The following NR3C1 variants were observed in gnomAD, a reference collection of about 807,000 sequenced individuals.
The protein encoded by NR3C1 is nuclear receptor subfamily 3 group C member 1.
In NR3C1, 14 loss-of-function variants were observed where a neutral mutation model predicts 74.0. The ratio of observed to expected loss-of-function variants is 0.19; its 90% CI spans 0.12 to 0.30. The LOEUF is 0.30. Ranked by LOEUF, NR3C1 falls within the 10% of genes least tolerant of loss-of-function variation. NR3C1 has a pLI of 1.00. For missense variants in NR3C1, 695 were observed against 909.8 expected (o/e 0.76, Z 3.04); for synonymous variants, 308 against 332.5 (o/e 0.93, Z 0.80).
chr5:143,425,337 G>GA (rs1273982407), intron 1 of NR3C1, among the ~76,000 whole-genome samples: 1 of 151,904 alleles, frequency 6.6e-6, no homozygotes, highest in Non-Finnish European at 1.5e-5. Flanking sequence ...AAAAGCACAA[G>GA]AAAAAAATAG....
At chr5:143,288,879 G>A (rs1411654352) in intron 7 of NR3C1, among the ~76,000 whole-genome samples, 1 of 152,032 alleles carries the variant, frequency 6.6e-6, no homozygotes, top group Non-Finnish European at 1.5e-5. Context: ...GCCGAGGTGG[G>A]TGGATCACCT....
intron 2 of NR3C1, among the ~76,000 whole-genome samples, chr5:143,326,294 T>C (rs922056025): frequency 6.6e-6 from 1 of 152,172 alleles, no homozygotes; most frequent in African/African-American, 2.4e-5. Flanking sequence ...ACAGACAGTC[T>C]TAAGGTAAGG....
At chr5:143,419,714 G>A (rs971015960) in intron 1 of NR3C1, among the ~76,000 whole-genome samples, 3 of 152,148 alleles carry the variant, frequency 2.0e-5, no homozygotes, top group Non-Finnish European at 2.9e-5. Flanking sequence ...GAGGCAGGGC[G>A]AAATCACAGG....
chr5:143,356,059 T>C (rs991415104), intron 2 of NR3C1, among the ~76,000 whole-genome samples: 4 of 152,182 alleles, frequency 2.6e-5, no homozygotes, highest in Non-Finnish European at 5.9e-5. Context: ...GTTTATTAAA[T>C]TGTTACAGAT....
At position 143,298,670 on chromosome 5, in the gene NR3C1, A is replaced by G; in HGVS notation, c.1890T>C (p.Asn630=). 1 of 1,613,256 alleles carries G rather than the reference A, an allele frequency of 6.2e-7. No individual in the cohort carries two copies. Among genetic ancestry groups the G allele is most frequent in the Non-Finnish European group, 8.5e-7 (1 of 1,179,534 alleles). Residue 630 remains asparagine, a splice_region_variant and synonymous_variant, in exon 6 of 9, where the codon AAT becomes AAC. Transcript: ENST00000394464. The part of the protein sequence containing the change: ...LLCFAPDLII[N]EQRMTLPCMY... ...AAAATGACACACATACAACTTACTC[A>G]TTAATAATCAGATCAGGAGCAAAAC...
upstream of NR3C1, chr5:143,403,687 G>C (rs952539201): frequency 1.5e-5 from 15 of 985,372 alleles, no homozygotes; most frequent in Non-Finnish European, 1.8e-5. Flanking sequence ...TGGAGGCGGC[G>C]CCACGGCGCG....
intron 2 of NR3C1, among the ~76,000 whole-genome samples, chr5:143,375,158 C>T (rs1381220177): frequency 2.6e-5 from 4 of 152,050 alleles, no homozygotes; most frequent in East Asian, 1.9e-4. Flanking sequence ...TGGAAGTTTT[C>T]GGGAATTTTA....
chr5:143,336,804 C>T (rs529155519), intron 2 of NR3C1, among the ~76,000 whole-genome samples: 15 of 151,674 alleles, frequency 9.9e-5, no homozygotes, highest in Non-Finnish European at 1.8e-4. Context: ...GTCAACATGG[C>T]GAAACCCTGT....
chr5:143,364,073 G>GTC (rs1832758589), intron 2 of NR3C1, among the ~76,000 whole-genome samples: 2 of 151,998 alleles, frequency 1.3e-5, no homozygotes, highest in Non-Finnish European at 2.9e-5. Context: ...GACTAATAAA[G>GTC]TACACACCTA....
rs1297357281 is a variant in NR3C1, at chr5:143,372,275, C to T, written c.1184+27381G>A. Among the ~76,000 whole-genome samples, 3 of 152,244 alleles carry T rather than the reference C, an allele frequency of 2.0e-5. No homozygotes were observed. In the East Asian group the frequency reaches 5.8e-4, roughly 29 times the overall value. Reference sequence around the variant, plus strand: ...AATTTACAGCTTCTCTTTGACATATCTGAATTGCCAGGATCACCACTCCTG... The same window carrying T: ...AATTTACAGCTTCTCTTTGACATATTTGAATTGCCAGGATCACCACTCCTG... On this transcript the variant is annotated intron_variant, in intron 2 of 8. Transcript: ENST00000394464.
intron 2 of NR3C1, chr5:143,332,746 A>G (rs972396234): frequency 6.3e-7 from 1 of 1,588,586 alleles, no homozygotes; most frequent in Non-Finnish European, 8.5e-7. Context: ...GAATTGCCAG[A>G]TAAACATTCC....
chr5:143,403,469 C>T lies in NR3C1; in HGVS notation c.-272G>A, dbSNP rs1175302738. The T allele has an allele frequency of 1.0e-6, 1 of 985,178 alleles. No individual in the cohort carries two copies. The highest frequency in any genetic ancestry group is 1.2e-6 in the Non-Finnish European group (1 of 829,924). The allele number at this position is 985,178 out of a possible 1,614,324, so 61.0% of individuals were successfully genotyped here. A position where few individuals can be genotyped will look rare whatever the true frequency, so the allele number is the denominator to read the frequency against. On this transcript the variant is annotated 5_prime_UTR_variant, in exon 1 of 9. Coordinates refer to ENST00000394464, the MANE Select transcript of NR3C1 (RefSeq NM_000176.3). Reference sequence around the variant, plus strand: ...GTCGAGGTTCCGGGCGCGCGTGCCCCGTCCCGGTCCCAGCTGCTTCGGCCG... The same window carrying T: ...GTCGAGGTTCCGGGCGCGCGTGCCCTGTCCCGGTCCCAGCTGCTTCGGCCG...
At chr5:143,376,224 A>T (rs754562067) in intron 2 of NR3C1, among the ~76,000 whole-genome samples, 3 of 152,204 alleles carry the variant, frequency 2.0e-5, no homozygotes, top group Non-Finnish European at 4.4e-5. Flanking sequence ...CATTGATGAG[A>T]TGATACAATG....
In NR3C1 at chr5:143,383,413, G is replaced by A. The variant is rs13355103; in HGVS notation, c.1184+16243C>T. Reference sequence around the variant, plus strand: ...AAGTGCTAGGTGTTATAGTGAAAACGTTCCTTGTCCTTAAGGAGACTGGAT... The same window carrying A: ...AAGTGCTAGGTGTTATAGTGAAAACATTCCTTGTCCTTAAGGAGACTGGAT... On this transcript the variant is annotated intron_variant, in intron 2 of 8. Coordinates refer to ENST00000394464, the MANE Select transcript of NR3C1 (RefSeq NM_000176.3). Among the ~76,000 whole-genome samples the A allele has an allele frequency of 5.4e-3, 824 of 152,264 alleles. 5 individuals are homozygous for A. Among genetic ancestry groups the A allele is most frequent in the East Asian group, 0.022 (114 of 5,174 alleles).
chr5:143,283,201 T>G (rs993070241), intron 7 of NR3C1, among the ~76,000 whole-genome samples: 1 of 152,218 alleles, frequency 6.6e-6, no homozygotes, highest in African/African-American at 2.4e-5. Flanking sequence ...TTTTTATACA[T>G]GCAAGATGGG....
In NR3C1 at chr5:143,396,156, T is replaced by C. The variant is rs571853709; in HGVS notation, c.1184+3500A>G. On this transcript the variant is annotated intron_variant, in intron 2 of 8. Transcript: ENST00000394464. ...GTAATTTCAATAAAATCTGACCACA[T>C]GCTAGTCACATATTTCTGCATTAGT... 1.9e-4 allele frequency among the ~76,000 whole-genome samples: 29 copies of C among 151,968 alleles called. No individual in the cohort carries two copies. The South Asian group carries it at 5.2e-3, about 27-fold the overall frequency.
At chr5:143,317,199 T>C (rs1822311778) in intron 2 of NR3C1, among the ~76,000 whole-genome samples, 1 of 152,160 alleles carries the variant, frequency 6.6e-6, no homozygotes, top group Non-Finnish European at 1.5e-5. Context: ...AGTTGCAAGT[T>C]TGATATTGTT....
intron 1 of NR3C1, among the ~76,000 whole-genome samples, chr5:143,432,660 T>G (rs1445250425): frequency 6.6e-6 from 1 of 152,200 alleles, no homozygotes; most frequent in Non-Finnish European, 1.5e-5. Flanking sequence ...AAGCGTACGG[T>G]TCCCCATGAA....
At chr5:143,317,362 C>A (rs1178035267) in intron 2 of NR3C1, among the ~76,000 whole-genome samples, 1 of 152,024 alleles carries the variant, frequency 6.6e-6, no homozygotes, top group Admixed American at 6.6e-5. Flanking sequence ...GCTAAAATAT[C>A]CTGGTCTTAA....
Sources: allele counts gnomAD v4.1 joint callset (sites outside exome capture counted in the v4.1 genomes callset), GRCh38; gene constraint gnomAD v4.1.1; transcripts MANE v1.5; gene names NCBI Gene and HGNC (gene_info 2026-07-23, HGNC 2026-07-21).